CFAP43: variants seen among roughly 807,000 people sequenced by gnomAD.
CFAP43 encodes the protein cilia and flagella associated protein 43.
CFAP43 carries 155 observed loss-of-function variants against 218.9 expected under a neutral mutation model. The observed-to-expected ratio is 0.71, with a 90% CI of 0.62 to 0.81. The LOEUF is 0.81. Ranked by LOEUF, CFAP43 falls within the 30% of genes least tolerant of loss-of-function variation. CFAP43 has a pLI of 0.00. For missense variants in CFAP43, 1,778 were observed against 1,954.3 expected, an observed-to-expected ratio of 0.91 and a Z score of 1.70; for synonymous variants, 645 against 681.3, an observed-to-expected ratio of 0.95 and a Z score of 0.83.
chr10:104,180,174 G>A (rs973833235), intron 17 of CFAP43, among the ~76,000 whole-genome samples: 7 of 152,214 alleles, frequency 4.6e-5, no homozygotes, highest in South Asian at 2.1e-4. Flanking sequence ...CAGTCACACT[G>A]TCACCACTCT....
intron 12 of CFAP43, 92 bp downstream of exon 12, chr10:104,192,107 G>T: frequency 1.1e-6 from 1 of 930,160 alleles, no homozygotes; most frequent in Non-Finnish European, 1.6e-6. Context: ...ACAAATAATT[G>T]TTTCAATATT....
At chr10:104,160,637 C>A (rs1393658144) in intron 27 of CFAP43, among the ~76,000 whole-genome samples, 1 of 152,138 alleles carries the variant, frequency 6.6e-6, no homozygotes, top group Non-Finnish European at 1.5e-5. Flanking sequence ...GTTATTCAAA[C>A]CTTTTTCCTG....
At chr10:104,142,427 T>TAA (rs762098544) in intron 32 of CFAP43, 34 bp from the exon 33 acceptor site, 3 of 1,546,702 alleles carry the variant, frequency 1.9e-6, no homozygotes, top group Non-Finnish European at 2.7e-6. Context: ...TGTCAGAACA[T>TAA]ATGGAGCTTC....
At chr10:104,151,576 A>G (rs2088259665) in intron 28 of CFAP43, among the ~76,000 whole-genome samples, 1 of 151,778 alleles carries the variant, frequency 6.6e-6, no homozygotes, top group Non-Finnish European at 1.5e-5. Flanking sequence ...CATGTCCTTG[A>G]CCACTTTTTA....
chr10:104,139,084 T>C (rs2087585022), intron 34 of CFAP43, among the ~76,000 whole-genome samples: 1 of 152,196 alleles, frequency 6.6e-6, no homozygotes. Flanking sequence ...GTAACAGATA[T>C]TTTGCCTTTG....
intron 1 of CFAP43, 98 bp downstream of exon 1, chr10:104,232,084 A>G: frequency 7.1e-7 from 1 of 1,406,400 alleles, no homozygotes. Context: ...CTGCGGGGAA[A>G]GCCGCCCTAA....
At chr10:104,167,508 A>G in intron 22 of CFAP43, 113 bp downstream of exon 22, 1 of 677,620 alleles carries the variant, frequency 1.5e-6, no homozygotes, top group Non-Finnish European at 2.3e-6. Context: ...AAATAAAAAT[A>G]TAAATACATA....
At chr10:104,189,945 A>G (rs1407964069) in intron 12 of CFAP43, among the ~76,000 whole-genome samples, 1 of 152,160 alleles carries the variant, frequency 6.6e-6, no homozygotes, top group Non-Finnish European at 1.5e-5. Context: ...AGGCGGGCGG[A>G]TCATGAGGTC....
rs2087800848 is a variant in CFAP43, at chr10:104,143,439, T to C, written c.4145A>G (p.Glu1382Gly). 6.2e-7 allele frequency: 1 copy of C among 1,613,900 alleles called. No homozygotes were observed. The highest frequency in any genetic ancestry group is 1.1e-5 in the South Asian group (1 of 91,040). Residue 1382 changes from glutamate to glycine, a missense_variant, in exon 32 of 38, where the codon GAA becomes GGA. By Grantham distance (98) the Glu-to-Gly change is moderately conservative. This residue lies in a region of CFAP43 where 1,553 missense variants were observed against 1,685.2 expected (regional missense o/e 0.92). Transcript: ENST00000357060. ...AATAGTATATACTTTCTGTTCATTT[T>C]CCACTTTTGCTCGTCTTGTCATGCA... ...HFCMTRRAKV[E>G]NEQKVKQKAA...
chr10:104,132,437 C>A (rs2087242392), intron 35 of CFAP43, among the ~76,000 whole-genome samples: 2 of 152,012 alleles, frequency 1.3e-5, no homozygotes. Flanking sequence ...CATGGTAAAA[C>A]CTTGTCTCTA....
chr10:104,218,164 C>T (rs7080723), intron 3 of CFAP43, among the ~76,000 whole-genome samples: 16,437 of 151,624 alleles, frequency 0.11, 1,697 homozygotes, highest in African/African-American at 0.28. Flanking sequence ...CTGGCTAACA[C>T]GGTGAAACCC....
chr10:104,192,938 C>T (rs45441599), intron 11 of CFAP43: 10,330 of 152,474 alleles, frequency 0.068, 377 homozygotes, highest in Admixed American at 0.099. Context: ...TGCTTTTCCT[C>T]ACCTCTCTAA....
At chr10:104,200,670 CAAAAAAA>C (rs71022722) in intron 8 of CFAP43, among the ~76,000 whole-genome samples, 7 of 22,654 alleles carry the variant, frequency 3.1e-4, no homozygotes, top group Admixed American at 5.0e-4. Context: ...GACTCTGTCT[CAAAAAAA>C]AAAAAAAAAA....
intron 8 of CFAP43, among the ~76,000 whole-genome samples, chr10:104,202,510 A>G (rs2090562511): frequency 6.6e-6 from 1 of 152,174 alleles, no homozygotes; most frequent in Non-Finnish European, 1.5e-5. Flanking sequence ...AATCAAACAT[A>G]TGTTAGATCT....
chr10:104,132,096 C>T lies in CFAP43; in HGVS notation c.4677+20G>A, dbSNP rs1328443410. 1 of 1,553,974 alleles carries T rather than the reference C, an allele frequency of 6.4e-7. No homozygotes were observed. The highest frequency in any genetic ancestry group is 1.4e-5 in the African/African-American group (1 of 72,454). On this transcript the variant is annotated intron_variant, in intron 36 of 37. Coordinates refer to ENST00000357060, the MANE Select transcript of CFAP43 (RefSeq NM_025145.7). ...ATTTACAACTGTTAGGATATAATAA[C>T]CAACGTCTTTGAGACTTACCTTATC...
At position 104,157,763 on chromosome 10, in the gene CFAP43, TGTGTGTGTGTGTGA is replaced by T. The variant is rs1391567214; in HGVS notation, c.3540+3260_3540+3273del. ...GTGTGTGTGTGTGTGTGTGTGTGTG[TGTGTGTGTGTGTGA>T]GAGAGAGAGAGAGAGAGAGAGAGAG... On this transcript the variant is annotated intron_variant, in intron 27 of 37. Transcript: ENST00000357060. 2.2e-4 allele frequency among the ~76,000 whole-genome samples: 27 copies of T among 124,502 alleles called. No homozygotes were observed. The South Asian group carries it at 7.2e-3, about 33-fold the overall frequency. The allele number at this position is 124,502 out of a possible 152,430, so 81.7% of individuals were successfully genotyped here. A position where few individuals can be genotyped will look rare whatever the true frequency, so the allele number is the denominator to read the frequency against.
intron 2 of CFAP43, among the ~76,000 whole-genome samples, chr10:104,227,275 T>C (rs980355199): frequency 1.3e-5 from 2 of 152,226 alleles, no homozygotes; most frequent in Admixed American, 1.3e-4. Context: ...TGCATGTAAA[T>C]CTTTGACCAT....
At chr10:104,185,952 T>A (rs776824270) in intron 15 of CFAP43, 22 bp downstream of exon 15, 1 of 1,604,696 alleles carries the variant, frequency 6.2e-7, no homozygotes, top group East Asian at 2.2e-5. Flanking sequence ...CCACAATATT[T>A]TTTTTTAAGA....
At chr10:104,208,231 T>C (rs988291784) in intron 5 of CFAP43, among the ~76,000 whole-genome samples, 2 of 152,230 alleles carry the variant, frequency 1.3e-5, no homozygotes, top group African/African-American at 2.4e-5. Context: ...CCTGAGTTTT[T>C]TTTATGACAT....
Sources: gnomAD v4.1 joint callset for allele counts (sites outside exome capture counted in the v4.1 genomes callset) on GRCh38, gnomAD v4.1.1 for gene constraint, gnomAD v4.1.1 regional missense constraint, MANE v1.5 for transcripts, NCBI Gene and HGNC (gene_info 2026-07-23, HGNC 2026-07-21) for gene names.